Variants in YEATS4 observed in about 807,000 individuals in gnomAD.
YEATS4 encodes the protein YEATS domain containing 4, also known as YEATS domain-containing protein 4.
YEATS4 carries 17 observed loss-of-function variants against 30.1 expected under a neutral mutation model. That is an observed-to-expected ratio of 0.56 (90% CI 0.39 to 0.85). The LOEUF (loss-of-function observed/expected upper bound fraction) is 0.85. YEATS4 is among the 40% of genes least tolerant of loss of function. The pLI is 0.00. For synonymous variants in YEATS4, 85 were observed against 87.5 expected, an observed-to-expected ratio of 0.97 and a Z score of 0.16; for missense variants, 142 against 268.3, an observed-to-expected ratio of 0.53 and a Z score of 3.29.
At chr12:69,400,991 G>A in the YEATS4 span, 2 of 152,246 alleles carry the variant, frequency 1.3e-5, no homozygotes, top group Admixed American at 6.5e-5. Flanking sequence ...CTGACCTGTA[G>A]TGCACTATGC....
chr12:69,406,920 T>G, the YEATS4 span, among the ~76,000 whole-genome samples: 1 of 152,128 alleles, frequency 6.6e-6, no homozygotes, highest in Admixed American at 6.5e-5. Context: ...GCTCAAGTGA[T>G]CCTCCTGCCT....
chr12:69,359,931 G>A lies in YEATS4; in HGVS notation c.-42G>A, dbSNP rs1402877128. On this transcript the variant is annotated 5_prime_UTR_variant, in exon 1 of 7. Transcript: ENST00000247843. ...GGGGAGCGGCGACCCCGCCAGCCCC[G>A]GTCTCTTTCCCTGGCGGCGGCGGCT... 16 of 1,611,076 alleles carry A rather than the reference G, an allele frequency of 9.9e-6. No individual in the cohort carries two copies. The highest frequency in any genetic ancestry group is 1.7e-5 in the Admixed American group (1 of 59,802).
Position 69,380,808 on chromosome 12 carries a change from T to C in YEATS4, c.515-9339T>C, listed in dbSNP as rs562256753. Among the ~76,000 whole-genome samples the C allele has an allele frequency of 1.4e-4, 22 of 152,190 alleles. No homozygotes were observed. The South Asian group carries it at 4.2e-3, about 29-fold the overall frequency. On this transcript the variant is annotated intron_variant, in intron 6 of 6. Transcript: ENST00000247843. ...AAAAGAGAGAAATTTTAAAGCTGGG[T>C]GTCCAGGGGAGACATCACATGTCGG...
At chr12:69,390,900 C>T (rs1868310472), downstream of YEATS4, 1 of 152,238 alleles carries the variant, frequency 6.6e-6, no homozygotes. Context: ...CTCTTATTGG[C>T]ACTCATTGTC....
the YEATS4 span, among the ~76,000 whole-genome samples, chr12:69,425,005 C>T: frequency 5.9e-5 from 9 of 152,124 alleles, no homozygotes; most frequent in South Asian, 4.2e-4. Flanking sequence ...CCACAACCTC[C>T]GCCTCCTGGG....
chr12:69,361,730 A>G (rs912118825), intron 1 of YEATS4, among the ~76,000 whole-genome samples: 2 of 152,104 alleles, frequency 1.3e-5, no homozygotes, highest in Non-Finnish European at 2.9e-5. Flanking sequence ...CAATATTTTC[A>G]CTTCAATTGA....
At chr12:69,420,609 C>T in the YEATS4 span, among the ~76,000 whole-genome samples, 1 of 152,132 alleles carries the variant, frequency 6.6e-6, no homozygotes, top group Non-Finnish European at 1.5e-5. Flanking sequence ...CTCCACTCAT[C>T]CCATGAAGAT....
chr12:69,369,581 C>T (rs1362181833), intron 4 of YEATS4, among the ~76,000 whole-genome samples: 1 of 152,216 alleles, frequency 6.6e-6, no homozygotes, highest in Non-Finnish European at 1.5e-5. Flanking sequence ...CTCTGGCTCA[C>T]ACCTCTTAGG....
At chr12:69,368,987 G>A (rs1277062058) in intron 4 of YEATS4, among the ~76,000 whole-genome samples, 1 of 152,128 alleles carries the variant, frequency 6.6e-6, no homozygotes, top group East Asian at 1.9e-4. Flanking sequence ...CAGTTACTTG[G>A]GAGGCTGAGG....
At position 69,362,818 on chromosome 12, in the gene YEATS4, G is replaced by T; in HGVS notation, c.82G>T (p.Gly28Cys). 6.2e-7 allele frequency: 1 copy of T among 1,610,510 alleles called. No homozygotes were observed. Among genetic ancestry groups the T allele is most frequent in the South Asian group, 1.1e-5 (1 of 90,816 alleles). ...TACTATCGTTAAACCAATAGTTTAC[G>T]GTAATGTTGCTCGGTATTTTGGAAA... ...GVTIVKPIVY[G>C]NVARYFGKKR... The change falls in exon 2 of 7, where the codon GGT becomes TGT. Residue 28 changes from glycine (G) to cysteine (C), a missense_variant. Around this residue, in one of 3 missense-constraint regions of YEATS4, gnomAD observed 25 missense variants for 35.7 expected, o/e 0.70. Transcript: ENST00000247843.
chr12:69,364,286 T>A, intron 2 of YEATS4: 5 of 331,396 alleles, frequency 1.5e-5, no homozygotes, highest in Admixed American at 1.2e-4. Flanking sequence ...ACTCCATCTC[T>A]ACAGAAAAAA....
At chr12:69,398,324 A>AC in the YEATS4 span, among the ~76,000 whole-genome samples, 11 of 152,126 alleles carry the variant, frequency 7.2e-5, no homozygotes, top group Non-Finnish European at 1.0e-4. Context: ...CACACACACA[A>AC]AAAAACTATT....
chr12:69,412,622 C>A, the YEATS4 span, among the ~76,000 whole-genome samples: 2 of 152,116 alleles, frequency 1.3e-5, no homozygotes, highest in Non-Finnish European at 2.9e-5. Context: ...CACTGCACTC[C>A]AGCCTGGGCG....
intron 6 of YEATS4, among the ~76,000 whole-genome samples, chr12:69,382,396 G>A (rs1876114394): frequency 6.6e-6 from 1 of 152,128 alleles, no homozygotes; most frequent in Non-Finnish European, 1.5e-5. Context: ...GGCTGAGCTG[G>A]CACCCAAGCT....
At chr12:69,417,813 C>T in the YEATS4 span, among the ~76,000 whole-genome samples, 4 of 139,164 alleles carry the variant, frequency 2.9e-5, no homozygotes, top group Non-Finnish European at 6.0e-5. Context: ...ATTTTTGTTG[C>T]GTGTCTCCCC....
the YEATS4 span, among the ~76,000 whole-genome samples, chr12:69,418,847 G>T: frequency 6.6e-6 from 1 of 151,964 alleles, no homozygotes; most frequent in African/African-American, 2.4e-5. Context: ...TTCTTGGGGG[G>T]CTAAGGCAGG....
chr12:69,404,482 G>A, the YEATS4 span, among the ~76,000 whole-genome samples: 1 of 152,130 alleles, frequency 6.6e-6, no homozygotes, highest in African/African-American at 2.4e-5. Context: ...GTGGACTCCT[G>A]ATGAAAGATG....
chr12:69,388,090 C>A (rs555485788), intron 6 of YEATS4, among the ~76,000 whole-genome samples: 1 of 150,326 alleles, frequency 6.7e-6, no homozygotes, highest in South Asian at 2.1e-4. Flanking sequence ...CAGAGTCTCG[C>A]GCTGTCGCCC....
At chr12:69,406,445 A>T in the YEATS4 span, among the ~76,000 whole-genome samples, 1 of 152,190 alleles carries the variant, frequency 6.6e-6, no homozygotes, top group African/African-American at 2.4e-5. Context: ...CTCCTACGTC[A>T]GCCTCCTAAG....
Sources: allele counts gnomAD v4.1 joint callset (sites outside exome capture counted in the v4.1 genomes callset), GRCh38; gene constraint gnomAD v4.1.1; regional missense constraint gnomAD v4.1.1; transcripts MANE v1.5; gene names NCBI Gene and HGNC (gene_info 2026-07-23, HGNC 2026-07-21).